Variants in KCNH7 observed in about 807,000 individuals in gnomAD.
KCNH7 encodes voltage-gated inwardly rectifying potassium channel KCNH7.
KCNH7 carries 49 observed loss-of-function variants against 120.8 expected under a neutral mutation model. The ratio of observed to expected loss-of-function variants is 0.41; its 90% CI spans 0.32 to 0.51. The LOEUF is 0.51. Among genes scored for constraint, KCNH7 ranks in the 20% least tolerant of loss-of-function variants. The pLI, the probability that KCNH7 is intolerant of heterozygous loss-of-function variation, is 0.38. For missense variants in KCNH7, 1,097 were observed against 1,446.6 expected (o/e 0.76, Z 3.92); for synonymous variants, 547 against 516.1 (o/e 1.06, Z -0.81).
chr2:162,457,000 GA>G (rs1195339079), intron 6 of KCNH7, among the ~76,000 whole-genome samples: 1 of 151,982 alleles, frequency 6.6e-6, no homozygotes, highest in East Asian at 1.9e-4. Context: ...TAATTTGTTT[GA>G]ATTGGTCAAT....
intron 2 of KCNH7, among the ~76,000 whole-genome samples, chr2:162,560,999 T>C (rs1049966423): frequency 2.0e-5 from 3 of 152,080 alleles, no homozygotes; most frequent in Non-Finnish European, 4.4e-5. Context: ...TATTCTTATA[T>C]GGAACTATAG....
chr2:162,716,687 A>G (rs1459834431), intron 2 of KCNH7, among the ~76,000 whole-genome samples: 3 of 152,160 alleles, frequency 2.0e-5, no homozygotes, highest in Admixed American at 6.6e-5. Context: ...TGGCATTCTT[A>G]TACCCAGGGT....
chr2:162,820,190 G>A (rs1422195198), intron 2 of KCNH7, among the ~76,000 whole-genome samples: 4 of 131,056 alleles, frequency 3.1e-5, no homozygotes, highest in Non-Finnish European at 6.7e-5. Context: ...CAGGCGCCCA[G>A]CACCACGCCC....
intron 9 of KCNH7, among the ~76,000 whole-genome samples, chr2:162,422,454 T>G (rs903623490): frequency 2.6e-5 from 4 of 152,108 alleles, no homozygotes; most frequent in African/African-American, 9.7e-5. Flanking sequence ...AGTGGAGGAG[T>G]AGCCATATGG....
intron 11 of KCNH7, 126 bp from the exon 12 acceptor site, chr2:162,394,611 G>T (rs1328026633): frequency 3.3e-6 from 2 of 610,078 alleles, no homozygotes; most frequent in Non-Finnish European, 5.7e-6. Flanking sequence ...TAGATTGCAG[G>T]CAAACAGCTA....
At chr2:162,400,077 T>C (rs898359706) in intron 10 of KCNH7, 112 bp downstream of exon 10, 4 of 1,187,700 alleles carry the variant, frequency 3.4e-6, no homozygotes, top group Non-Finnish European at 4.8e-6. Flanking sequence ...TTACCCACCA[T>C]CTTAAACTGT....
chr2:162,647,037 G>C (rs1404282439), intron 2 of KCNH7, among the ~76,000 whole-genome samples: 1 of 152,176 alleles, frequency 6.6e-6, no homozygotes, highest in African/African-American at 2.4e-5. Flanking sequence ...TTTGTCTAAA[G>C]TCGGTCAGTA....
At chr2:162,480,287 T>C (rs1574009874) in intron 6 of KCNH7, among the ~76,000 whole-genome samples, 1 of 152,174 alleles carries the variant, frequency 6.6e-6, no homozygotes, top group Non-Finnish European at 1.5e-5. Context: ...CTCCTCACAA[T>C]TGTACATTCA....
chr2:162,519,026 A>G (rs755035794), intron 3 of KCNH7, among the ~76,000 whole-genome samples: 3 of 151,782 alleles, frequency 2.0e-5, no homozygotes, highest in Non-Finnish European at 4.4e-5. Flanking sequence ...GTAATACAAG[A>G]GGATATAATT....
At chr2:162,489,223 T>G (rs1320683637) in intron 6 of KCNH7, among the ~76,000 whole-genome samples, 1 of 152,200 alleles carries the variant, frequency 6.6e-6, no homozygotes, top group African/African-American at 2.4e-5. Flanking sequence ...CTTGAAGTAG[T>G]CAATAGCTTG....
rs375985838 is a variant in KCNH7, at chr2:162,768,012, G to A, written c.307+68525C>T. On this transcript the variant is annotated intron_variant, in intron 2 of 15. Coordinates refer to ENST00000332142, the MANE Select transcript of KCNH7 (RefSeq NM_033272.4). ...TTGAAATTAAACAATTTCATCACAA[G>A]CAAAGAAAATATTTAAGAGAAATAT... is the stretch of plus-strand genomic sequence containing the variant. Among the ~76,000 whole-genome samples the A allele has an allele frequency of 4.6e-5, 7 of 152,178 alleles. No individual in the cohort carries two copies. The South Asian group carries it at 1.5e-3, about 32-fold the overall frequency.
chr2:162,519,386 A>G (rs1324925125), intron 3 of KCNH7, among the ~76,000 whole-genome samples: 1 of 151,816 alleles, frequency 6.6e-6, no homozygotes, highest in Non-Finnish European at 1.5e-5. Context: ...TTTAAACTCC[A>G]TGTGTTCACA....
chr2:162,589,886 G>A (rs374277706), intron 2 of KCNH7, among the ~76,000 whole-genome samples: 17 of 152,138 alleles, frequency 1.1e-4, no homozygotes, highest in African/African-American at 3.6e-4. Context: ...CCATGGGTAC[G>A]TATGTTCCCT....
chr2:162,755,350 T>G (rs1207507668), intron 2 of KCNH7, among the ~76,000 whole-genome samples: 1 of 152,078 alleles, frequency 6.6e-6, no homozygotes. Context: ...TGGGCACCTG[T>G]AATCCTAGCT....
intron 2 of KCNH7, among the ~76,000 whole-genome samples, chr2:162,637,942 G>C (rs552893094): frequency 6.6e-6 from 1 of 152,010 alleles, no homozygotes; most frequent in South Asian, 2.1e-4. Context: ...AATTCAAAGG[G>C]GTTACCATGA....
At chr2:162,672,807 T>C (rs562974931) in intron 2 of KCNH7, among the ~76,000 whole-genome samples, 7 of 151,838 alleles carry the variant, frequency 4.6e-5, no homozygotes, top group Non-Finnish European at 8.8e-5. Flanking sequence ...AATAAAACAA[T>C]AAAATAGGCA....
At chr2:162,814,631 A>T (rs1684854394) in intron 2 of KCNH7, among the ~76,000 whole-genome samples, 2 of 152,168 alleles carry the variant, frequency 1.3e-5, no homozygotes, top group South Asian at 4.1e-4. Context: ...GTGTCCTGCT[A>T]TCAATTATTC....
intron 7 of KCNH7, among the ~76,000 whole-genome samples, chr2:162,436,178 C>T (rs193295315): frequency 6.6e-6 from 1 of 152,102 alleles, no homozygotes; most frequent in Non-Finnish European, 1.5e-5. Flanking sequence ...GTAGAAACTG[C>T]TTTAAAAATG....
At chr2:162,593,322 T>C (rs1157501318) in intron 2 of KCNH7, among the ~76,000 whole-genome samples, 4 of 152,062 alleles carry the variant, frequency 2.6e-5, no homozygotes, top group Non-Finnish European at 4.4e-5. Flanking sequence ...GGGATAATAA[T>C]ATAGGCAGAC....
Sources: allele counts gnomAD v4.1 joint callset (sites outside exome capture counted in the v4.1 genomes callset), GRCh38; gene constraint gnomAD v4.1.1; transcripts MANE v1.5; gene names NCBI Gene and HGNC (gene_info 2026-07-23, HGNC 2026-07-21).